Variants in RARB observed in about 807,000 individuals in gnomAD.
RARB encodes the protein retinoic acid receptor beta.
Under a neutral mutation model 51.9 loss-of-function variants are expected in RARB, and 17 were observed. That is an observed-to-expected ratio of 0.33 (90% CI 0.22 to 0.49). The LOEUF is 0.49. RARB is among the 20% of genes least tolerant of loss of function. RARB has a pLI of 0.99. For missense variants in RARB, 369 were observed against 550.8 expected, an observed-to-expected ratio of 0.67 and a Z score of 3.30; for synonymous variants, 215 against 195.4, an observed-to-expected ratio of 1.10 and a Z score of -0.84.
chr3:25,567,991 A>C (rs925110639), intron 3 of RARB, among the ~76,000 whole-genome samples: 6 of 151,846 alleles, frequency 4.0e-5, no homozygotes, highest in African/African-American at 1.5e-4. Flanking sequence ...GCTTCTTTGC[A>C]TTCTCTCTGC....
At chr3:25,593,976 T>C (rs1184447414) in intron 6 of RARB, among the ~76,000 whole-genome samples, 3 of 152,162 alleles carry the variant, frequency 2.0e-5, no homozygotes, top group African/African-American at 7.2e-5. Flanking sequence ...AGGATCACAC[T>C]ATTATAAAAT....
chr3:24,883,867 A>G (rs1256313686), intron 2 of RARB, among the ~76,000 whole-genome samples: 16 of 152,172 alleles, frequency 1.1e-4, no homozygotes, highest in Non-Finnish European at 2.2e-4. Flanking sequence ...GTATTTTAAT[A>G]CTTCATTTAT....
At chr3:25,073,115 A>C (rs576977852) in intron 3 of RARB, among the ~76,000 whole-genome samples, 9 of 152,336 alleles carry the variant, frequency 5.9e-5, no homozygotes, top group African/African-American at 2.2e-4. Context: ...CAAGAATTCC[A>C]AAGTCAAATA....
intron 5 of RARB, among the ~76,000 whole-genome samples, chr3:25,403,924 T>C (rs1707334869): frequency 6.7e-6 from 1 of 148,914 alleles, no homozygotes; most frequent in Non-Finnish European, 1.5e-5. Flanking sequence ...TATTTTTTTT[T>C]CCAGAAGCTT....
At chr3:25,178,247 CT>C (rs1259359845) in intron 5 of RARB, among the ~76,000 whole-genome samples, 1 of 151,994 alleles carries the variant, frequency 6.6e-6, no homozygotes, top group Non-Finnish European at 1.5e-5. Context: ...TGCATTCTGA[CT>C]TAATTTTTAT....
intron 1 of RARB, among the ~76,000 whole-genome samples, chr3:25,443,540 G>A (rs773620925): frequency 3.3e-4 from 50 of 151,786 alleles, no homozygotes; most frequent in Non-Finnish European, 6.6e-4. Flanking sequence ...TAAAACCCGG[G>A]AGGCGGAGGT....
intron 5 of RARB, among the ~76,000 whole-genome samples, chr3:25,232,362 A>T (rs1051264918): frequency 6.6e-6 from 1 of 152,156 alleles, no homozygotes; most frequent in African/African-American, 2.4e-5. Flanking sequence ...TTTACAACCT[A>T]ATTCTGAAAG....
chr3:25,206,814 T>A (rs1029125209), intron 5 of RARB, among the ~76,000 whole-genome samples: 21 of 152,156 alleles, frequency 1.4e-4, no homozygotes, highest in African/African-American at 5.1e-4. Flanking sequence ...CCTGACTACT[T>A]TTTCTCATCC....
chr3:25,134,437 C>T (rs1699998930), intron 4 of RARB, among the ~76,000 whole-genome samples: 1 of 151,694 alleles, frequency 6.6e-6, no homozygotes, highest in African/African-American at 2.4e-5. Flanking sequence ...TTAAGTAAAC[C>T]TTTTCTGGGG....
chr3:25,184,691 A>C (rs1194102048), intron 5 of RARB, among the ~76,000 whole-genome samples: 1 of 152,142 alleles, frequency 6.6e-6, no homozygotes, highest in Non-Finnish European at 1.5e-5. Context: ...TGATCAATTT[A>C]CATCAATTGA....
chr3:25,109,601 G>A (rs1043770461), intron 3 of RARB, among the ~76,000 whole-genome samples: 1 of 152,038 alleles, frequency 6.6e-6, no homozygotes, highest in Non-Finnish European at 1.5e-5. Context: ...TCTCTGTTTT[G>A]TCTTGCTGAC....
intron 5 of RARB, among the ~76,000 whole-genome samples, chr3:25,380,762 C>T (rs1438089595): frequency 6.6e-6 from 1 of 152,166 alleles, no homozygotes; most frequent in Non-Finnish European, 1.5e-5. Flanking sequence ...TTAGTAGCAT[C>T]TTTCGTCTCC....
At chr3:25,148,004 A>G (rs1700222112) in intron 4 of RARB, among the ~76,000 whole-genome samples, 1 of 152,250 alleles carries the variant, frequency 6.6e-6, no homozygotes, top group Admixed American at 6.5e-5. Context: ...TATTTGAACC[A>G]CATTCCTCCT....
intron 3 of RARB, among the ~76,000 whole-genome samples, chr3:25,521,118 G>C (rs1035008317): frequency 1.3e-5 from 2 of 152,104 alleles, no homozygotes; most frequent in Admixed American, 1.3e-4. Context: ...ACCTATGTCT[G>C]GGTCTCCCCC....
At chr3:24,979,438 A>G (rs1696592715) in intron 2 of RARB, among the ~76,000 whole-genome samples, 1 of 152,164 alleles carries the variant, frequency 6.6e-6, no homozygotes, top group African/African-American at 2.4e-5. Context: ...ACATGCATAT[A>G]TATTTAGGAT....
chr3:25,401,161 T>G (rs951178493), intron 5 of RARB, among the ~76,000 whole-genome samples: 1 of 152,126 alleles, frequency 6.6e-6, no homozygotes, highest in Non-Finnish European at 1.5e-5. Context: ...TGGAAAACAT[T>G]CAGGCTCCTC....
At chr3:25,510,329 T>G (rs985205818) in intron 3 of RARB, among the ~76,000 whole-genome samples, 3 of 152,108 alleles carry the variant, frequency 2.0e-5, no homozygotes, top group Non-Finnish European at 4.4e-5. Flanking sequence ...ACATCAAATA[T>G]TCTATAATTA....
intron 2 of RARB, among the ~76,000 whole-genome samples, chr3:24,872,883 C>T (rs1008452363): frequency 6.6e-6 from 1 of 152,150 alleles, no homozygotes; most frequent in Non-Finnish European, 1.5e-5. Context: ...CTTACTCATC[C>T]CTGCGCGTTG....
chr3:25,319,481 C>A (rs1028572343), intron 5 of RARB, among the ~76,000 whole-genome samples: 3 of 152,158 alleles, frequency 2.0e-5, no homozygotes, highest in Non-Finnish European at 4.4e-5. Context: ...TCCTTCTCAA[C>A]ACATTGTTAG....
Sources: allele counts gnomAD v4.1 joint callset (sites outside exome capture counted in the v4.1 genomes callset), GRCh38; gene constraint gnomAD v4.1.1; transcripts MANE v1.5; gene names NCBI Gene and HGNC (gene_info 2026-07-23, HGNC 2026-07-21).